LRRC63: variants seen among roughly 807,000 people sequenced by gnomAD.
LRRC63 encodes the protein leucine-rich repeat-containing protein 63.
In LRRC63, 40 loss-of-function variants were observed where a neutral mutation model predicts 49.5. The observed-to-expected ratio is 0.81, with a 90% CI of 0.63 to 1.05. LRRC63 has a LOEUF of 1.05. Among genes scored for constraint, LRRC63 ranks in the 50% least tolerant of loss-of-function variants. LRRC63 has a pLI of 0.00. For missense variants in LRRC63, 636 were observed against 663.1 expected, an observed-to-expected ratio of 0.96 and a Z score of 0.45; for synonymous variants, 191 against 221.1, an observed-to-expected ratio of 0.86 and a Z score of 1.21.
At chr13:46,223,310 A>C (rs1471513697) in intron 2 of LRRC63, among the ~76,000 whole-genome samples, 2 of 152,108 alleles carry the variant, frequency 1.3e-5, no homozygotes, top group African/African-American at 4.8e-5. Context: ...GGCTGTAAGT[A>C]TGTGACTTTA....
chr13:46,229,037 A>C (rs2046664951), intron 4 of LRRC63, among the ~76,000 whole-genome samples: 1 of 152,222 alleles, frequency 6.6e-6, no homozygotes, highest in Admixed American at 6.5e-5. Context: ...AAACAAATGA[A>C]AATGAAAAAT....
intron 2 of LRRC63, among the ~76,000 whole-genome samples, chr13:46,220,682 G>A (rs1040127188): frequency 1.3e-5 from 2 of 151,392 alleles, no homozygotes; most frequent in African/African-American, 2.4e-5. Context: ...CAGCTAGCTC[G>A]ATGTCTGCCC....
At chr13:46,269,881 G>C (rs896332385) in intron 9 of LRRC63, among the ~76,000 whole-genome samples, 5 of 143,150 alleles carry the variant, frequency 3.5e-5, no homozygotes, top group Non-Finnish European at 7.6e-5. Flanking sequence ...TATATCTACT[G>C]TATAGATATA....
intron 7 of LRRC63, among the ~76,000 whole-genome samples, chr13:46,255,645 A>AAAAAAAAAAAAAAATATATATATATAT (rs1555328641): frequency 1.7e-4 from 22 of 129,430 alleles, no homozygotes; most frequent in African/African-American, 6.1e-4. Flanking sequence ...CCCTGCCTCA[A>AAAAAAAAAAAAAAATATATATATATAT]ATATATATAT....
chr13:46,218,792 G>C (rs1009838876), intron 2 of LRRC63, among the ~76,000 whole-genome samples: 1 of 152,150 alleles, frequency 6.6e-6, no homozygotes, highest in African/African-American at 2.4e-5. Flanking sequence ...TGTAAGGCAG[G>C]CCTGGTGGTG....
chr13:46,227,327 G>A (rs2046605608), intron 2 of LRRC63, among the ~76,000 whole-genome samples, 185 bp from the exon 3 acceptor site: 1 of 152,064 alleles, frequency 6.6e-6, no homozygotes, highest in Non-Finnish European at 1.5e-5. Flanking sequence ...CACTTCTCCG[G>A]TTGCTCACTC....
chr13:46,255,501 A>C (rs1386498648), intron 7 of LRRC63, among the ~76,000 whole-genome samples: 1 of 151,888 alleles, frequency 6.6e-6, no homozygotes, highest in East Asian at 1.9e-4. Context: ...CCCCATCTCT[A>C]CAAAAAAATA....
chr13:46,217,976 T>G lies in LRRC63; in HGVS notation c.85+4857T>G, dbSNP rs190810983. ...ATTGCACTGAAGAGACTATTTGTTG[T>G]GATTTCCGTTATTTTGCATTTTCTG... On this transcript the variant is annotated intron_variant, in intron 2 of 9. Transcript: ENST00000595396. 2.6e-5 allele frequency among the ~76,000 whole-genome samples: 4 copies of G among 152,218 alleles called. No homozygotes were observed. In the East Asian group the frequency reaches 7.7e-4, roughly 29 times the overall value.
At chr13:46,243,032 G>A (rs1364771548) in intron 5 of LRRC63, among the ~76,000 whole-genome samples, 2 of 152,152 alleles carry the variant, frequency 1.3e-5, no homozygotes, top group Admixed American at 1.3e-4. Flanking sequence ...TATTAATACT[G>A]TAATTGTGGT....
intron 2 of LRRC63, among the ~76,000 whole-genome samples, chr13:46,215,909 C>G (rs1456063103): frequency 1.3e-5 from 2 of 152,018 alleles, no homozygotes; most frequent in South Asian, 4.1e-4. Flanking sequence ...TCAGGTTTGT[C>G]GAAGATCAGA....
chr13:46,273,929 A>G (rs1417109900), intron 9 of LRRC63, among the ~76,000 whole-genome samples: 3 of 147,356 alleles, frequency 2.0e-5, no homozygotes, highest in South Asian at 2.2e-4. Flanking sequence ...AAAAAAAAAA[A>G]GTACCAAGAA....
chr13:46,262,830 G>A (rs150002104), intron 8 of LRRC63, among the ~76,000 whole-genome samples: 1 of 152,158 alleles, frequency 6.6e-6, no homozygotes, highest in African/African-American at 2.4e-5. Context: ...GAAAAACTAT[G>A]TACTTCTTTA....
At chr13:46,229,605 A>C (rs2046684232) in intron 4 of LRRC63, among the ~76,000 whole-genome samples, 1 of 152,154 alleles carries the variant, frequency 6.6e-6, no homozygotes, top group East Asian at 1.9e-4. Context: ...GCGAGGAGAG[A>C]ATTGAAGGAA....
intron 9 of LRRC63, 102 bp downstream of exon 9, chr13:46,267,074 C>A: frequency 1.9e-6 from 2 of 1,057,302 alleles, no homozygotes; most frequent in Non-Finnish European, 2.6e-6. Flanking sequence ...TGCACACATA[C>A]TCCATGACAC....
In LRRC63 at chr13:46,245,348, C is replaced by T. The variant is rs2047185262; in HGVS notation, c.991-1179C>T. On this transcript the variant is annotated intron_variant, in intron 5 of 9. Transcript: ENST00000595396. ...AGAAGATCTGAAATAACTCCAGCGA[C>T]TAACTTGACCTAATTAACATTTATA... Among the ~76,000 whole-genome samples the T allele has an allele frequency of 4.6e-5, 7 of 152,232 alleles. No individual in the cohort carries two copies. In the South Asian group the frequency reaches 1.4e-3, roughly 32 times the overall value.
At chr13:46,224,028 G>A (rs1281876453) in intron 2 of LRRC63, among the ~76,000 whole-genome samples, 4 of 152,134 alleles carry the variant, frequency 2.6e-5, no homozygotes, top group Admixed American at 2.6e-4. Flanking sequence ...TGTGCCATGG[G>A]GAAGACATTT....
At chr13:46,255,525 G>A (rs945198056) in intron 7 of LRRC63, among the ~76,000 whole-genome samples, 1 of 151,632 alleles carries the variant, frequency 6.6e-6, no homozygotes, top group African/African-American at 2.4e-5. Context: ...AAAATTAGCT[G>A]TGCACAGTGG....
chr13:46,250,111 A>G (rs184159658), intron 6 of LRRC63: 14 of 242,232 alleles, frequency 5.8e-5, no homozygotes, highest in African/African-American at 3.1e-4. Flanking sequence ...CACTTAGGAA[A>G]GCACCATTCT....
chr13:46,271,840 A>G (rs1234688791), intron 9 of LRRC63, among the ~76,000 whole-genome samples: 1 of 152,110 alleles, frequency 6.6e-6, no homozygotes, highest in Non-Finnish European at 1.5e-5. Context: ...TAACACATAA[A>G]TACATTTCAA....
Sources: gnomAD v4.1 joint callset for allele counts (sites outside exome capture counted in the v4.1 genomes callset) on GRCh38, gnomAD v4.1.1 for gene constraint, MANE v1.5 for transcripts, NCBI Gene and HGNC (gene_info 2026-07-23, HGNC 2026-07-21) for gene names.